SAXO5: variants seen among roughly 807,000 people sequenced by gnomAD.
SAXO5 encodes testis expressed 45.
the SAXO5 span, among the ~76,000 whole-genome samples, chr19:7,503,089 G>A: frequency 7.8e-4 from 119 of 152,316 alleles, 3 homozygotes; most frequent in East Asian, 0.02. Context: ...GCGGCCGGGT[G>A]CAATGGCTCA....
the SAXO5 span, among the ~76,000 whole-genome samples, chr19:7,498,398 T>C: frequency 0.01 from 1,456 of 144,348 alleles, 31 homozygotes; most frequent in African/African-American, 0.034. Flanking sequence ...TTTTTCTTTT[T>C]TTTTTTTTTT....
At chr19:7,499,244 G>A in the SAXO5 span, among the ~76,000 whole-genome samples, 1 of 151,180 alleles carries the variant, frequency 6.6e-6, no homozygotes. Context: ...TCCAGGAGGT[G>A]GAGGTTGCAG....
the SAXO5 span, chr19:7,504,342 A>T: frequency 6.2e-7 from 1 of 1,614,190 alleles, no homozygotes; most frequent in Non-Finnish European, 8.5e-7. Flanking sequence ...GGAGACTGCA[A>T]GATCAGCTAT....
At chr19:7,497,732 C>T in the SAXO5 span, 1 of 152,190 alleles carries the variant, frequency 6.6e-6, no homozygotes, top group Non-Finnish European at 1.5e-5. Flanking sequence ...AACTGAGGCT[C>T]ATGGGAGCTT....
At chr19:7,505,768 C>A in the SAXO5 span, 2 of 942,624 alleles carry the variant, frequency 2.1e-6, no homozygotes, top group South Asian at 1.6e-5. Flanking sequence ...TAGGGCGAGT[C>A]ACTTAACCAC....
At chr19:7,501,035 G>A in the SAXO5 span, 3 of 1,520,780 alleles carry the variant, frequency 2.0e-6, no homozygotes, top group Admixed American at 2.0e-5. Context: ...CAATGGACCC[G>A]CGCTGGGACC....
At chr19:7,500,412 CT>C in the SAXO5 span, among the ~76,000 whole-genome samples, 1 of 152,176 alleles carries the variant, frequency 6.6e-6, no homozygotes, top group Admixed American at 6.5e-5. Context: ...AGCGATTCTC[CT>C]GCCTCAGCCT....
At chr19:7,505,704 G>C in the SAXO5 span, 1 of 1,388,100 alleles carries the variant, frequency 7.2e-7, no homozygotes, top group Non-Finnish European at 1.0e-6. Context: ...AAGTCCCAAA[G>C]TGGGAGTGAG....
chr19:7,497,823 C>T, the SAXO5 span: 1 of 152,264 alleles, frequency 6.6e-6, no homozygotes, highest in South Asian at 2.1e-4. Flanking sequence ...TCATATTCAA[C>T]TCTCAACTAT....
At chr19:7,500,700 G>A in the SAXO5 span, 7 of 927,696 alleles carry the variant, frequency 7.5e-6, no homozygotes, top group Non-Finnish European at 9.1e-6. Flanking sequence ...TCAGTGCTTG[G>A]CGAACAGAAA....
the SAXO5 span, chr19:7,506,829 T>G: frequency 3.0e-6 from 1 of 337,774 alleles, no homozygotes; most frequent in Non-Finnish European, 5.6e-6. Context: ...CCCCAGCGCC[T>G]ACCTCTTTCC....
the SAXO5 span, chr19:7,506,188 G>GCCCCATGGAGCCCCGC: frequency 2.6e-6 from 4 of 1,534,334 alleles, no homozygotes; most frequent in Non-Finnish European, 3.5e-6. Context: ...GGGAAGCCCC[G>GCCCCATGGAGCCCCGC]CCCCATGGAG....
the SAXO5 span, chr19:7,504,094 C>T: frequency 6.6e-7 from 1 of 1,505,628 alleles, no homozygotes; most frequent in Non-Finnish European, 9.2e-7. Flanking sequence ...CTCTCTCTCT[C>T]CCCCCATCCC....
chr19:7,498,170 TACACACACAC>T, the SAXO5 span, among the ~76,000 whole-genome samples: 7 of 142,422 alleles, frequency 4.9e-5, no homozygotes, highest in Admixed American at 7.0e-5. Context: ...CACACACACA[TACACACACAC>T]ACACACACAC....
chr19:7,506,218 A>ACCC, the SAXO5 span: 2 of 1,060,108 alleles, frequency 1.9e-6, no homozygotes, highest in South Asian at 2.3e-5. Flanking sequence ...GGGAAGCCCC[A>ACCC]CCCCCGAAAG....
At chr19:7,504,472 C>T in the SAXO5 span, 2 of 1,348,222 alleles carry the variant, frequency 1.5e-6, no homozygotes, top group African/African-American at 1.4e-5. Context: ...CTTTGGGAGG[C>T]TGAGGCAGAC....
chr19:7,506,189 C>CCCCATGGAGCCCCG, the SAXO5 span: 1 of 1,544,730 alleles, frequency 6.5e-7, no homozygotes, highest in Non-Finnish European at 8.7e-7. Context: ...GGAAGCCCCG[C>CCCCATGGAGCCCCG]CCCATGGAGC....
At chr19:7,503,487 G>T in the SAXO5 span, among the ~76,000 whole-genome samples, 2 of 151,520 alleles carry the variant, frequency 1.3e-5, no homozygotes, top group Non-Finnish European at 2.9e-5. Context: ...TTGTTTTATT[G>T]TGTGTGTGTG....
At chr19:7,500,817 C>T in the SAXO5 span, 3 of 1,463,670 alleles carry the variant, frequency 2.0e-6, no homozygotes, top group Non-Finnish European at 2.7e-6. Context: ...TGGCTGGTGT[C>T]CCGCGATGGC....
Sources: gnomAD v4.1 joint callset for allele counts (sites outside exome capture counted in the v4.1 genomes callset) on GRCh38, gnomAD v4.1.1 for gene constraint, MANE v1.5 for transcripts, NCBI Gene and HGNC (gene_info 2026-07-23, HGNC 2026-07-21) for gene names.